Variants in AIG1 observed in about 807,000 individuals in gnomAD.
AIG1 encodes the protein androgen induced 1, also known as androgen-induced gene 1 protein.
A neutral mutation model predicts 31.4 loss-of-function variants in AIG1; 23 were observed. The observed-to-expected ratio is 0.73, with a 90% CI of 0.53 to 1.04. The LOEUF (loss-of-function observed/expected upper bound fraction) is 1.04, where lower values mean the gene tolerates loss of function less well. AIG1 is among the 50% of genes least tolerant of loss of function. The probability of loss-of-function intolerance (pLI) is 0.00; values close to 1 mark genes in which losing one functional copy is unlikely to be tolerated. For missense variants in AIG1, 274 were observed against 295.0 expected, an observed-to-expected ratio of 0.93 and a Z score of 0.52; for synonymous variants, 100 against 110.5, an observed-to-expected ratio of 0.90 and a Z score of 0.60.
At position 143,256,075 on chromosome 6, in the gene AIG1, T is replaced by C. The variant is rs1795358080; in HGVS notation, c.400-28035T>C. Among the ~76,000 whole-genome samples the C allele has an allele frequency of 6.6e-6, 1 of 152,168 alleles. No individual in the cohort carries two copies. Among genetic ancestry groups the C allele is most frequent in the Non-Finnish European group, 1.5e-5 (1 of 68,026 alleles). ...TGGCTTAGGTGCTTGAGCAAATATA[T>C]AAAACTTTATAAATCAAATTTCTGA... is the stretch of plus-strand genomic sequence containing the variant. On this transcript the variant is annotated intron_variant, in intron 3 of 5. Coordinates refer to ENST00000357847, the MANE Select transcript of AIG1 (RefSeq NM_016108.4). The surrounding 1 kb of genome is among the most constrained non-coding windows in gnomAD (Gnocchi z 4.6).
At chr6:143,204,178 C>T (rs917078140) in intron 3 of AIG1, among the ~76,000 whole-genome samples, 1 of 152,170 alleles carries the variant, frequency 6.6e-6, no homozygotes, top group Non-Finnish European at 1.5e-5. Context: ...ACAATAATCA[C>T]TTTGTTATAG....
At chr6:143,243,830 TG>T (rs1794428779) in intron 3 of AIG1, among the ~76,000 whole-genome samples, 1 of 152,202 alleles carries the variant, frequency 6.6e-6, no homozygotes, top group South Asian at 2.1e-4. Context: ...CACACCTCTA[TG>T]GGAAGACTGC....
chr6:143,222,545 A>T (rs979315105), intron 3 of AIG1, among the ~76,000 whole-genome samples: 2 of 152,204 alleles, frequency 1.3e-5, no homozygotes, highest in Non-Finnish European at 2.9e-5. Flanking sequence ...AGCAAATGAC[A>T]TTGACCTTCC....
chr6:143,231,919 G>A (rs1175169043), intron 3 of AIG1, among the ~76,000 whole-genome samples: 1 of 152,144 alleles, frequency 6.6e-6, no homozygotes, highest in African/African-American at 2.4e-5. Context: ...ATATGCCTCT[G>A]GCACAGATTC....
chr6:143,230,756 A>T (rs1793386002), intron 3 of AIG1, among the ~76,000 whole-genome samples: 1 of 152,166 alleles, frequency 6.6e-6, no homozygotes, highest in Non-Finnish European at 1.5e-5. Flanking sequence ...TAATAGCATA[A>T]GTTGTTCTTA....
At chr6:143,335,019 A>G in intron 5 of AIG1, 1 of 1,281,672 alleles carries the variant, frequency 7.8e-7, no homozygotes, top group East Asian at 2.8e-5. Flanking sequence ...GTAACATAAG[A>G]TTGACTAACT....
chr6:143,291,478 C>T lies in AIG1; in HGVS notation c.515+7253C>T, dbSNP rs544262771. On this transcript the variant is annotated intron_variant, in intron 4 of 5. Transcript: ENST00000357847. The surrounding 1 kb of genome is among the most constrained non-coding windows in gnomAD (Gnocchi z 4.2). ...CCTGCAAACCTCACACTTATGCACC[C>T]GACGCAGAGGTGAGCACCTGGACTT... is the stretch of plus-strand genomic sequence containing the variant. 1.1e-4 allele frequency among the ~76,000 whole-genome samples: 16 copies of T among 152,286 alleles called. No homozygotes were observed. The highest frequency in any genetic ancestry group is 2.1e-4 in the Non-Finnish European group (14 of 68,032).
chr6:143,284,088 C>T lies in AIG1; in HGVS notation c.400-22C>T. On this transcript the variant is annotated intron_variant, in intron 3 of 5. Coordinates refer to ENST00000357847, the MANE Select transcript of AIG1 (RefSeq NM_016108.4). This position sits in a 1 kb window ranked among gnomAD's most constrained non-coding sequence, Gnocchi z 4.4. ...GAGACAATGATAGCAATCTGTGTCACCTAGTCTCTGTTATTTTCCAGCACA... is the reference window on the plus strand; with the variant it reads ...GAGACAATGATAGCAATCTGTGTCATCTAGTCTCTGTTATTTTCCAGCACA... 6.4e-7 allele frequency: 1 copy of T among 1,559,504 alleles called. No individual in the cohort carries two copies. Among genetic ancestry groups the T allele is most frequent in the Non-Finnish European group, 8.8e-7 (1 of 1,131,410 alleles).
At chr6:143,074,206 T>C (rs1777539565) in intron 1 of AIG1, among the ~76,000 whole-genome samples, 1 of 152,272 alleles carries the variant, frequency 6.6e-6, no homozygotes, top group Non-Finnish European at 1.5e-5. Context: ...TTGATTTCAT[T>C]GTTTCCTTTG....
At chr6:143,187,541 G>T (rs1480696332) in intron 3 of AIG1, 18 of 1,535,860 alleles carry the variant, frequency 1.2e-5, no homozygotes, top group Admixed American at 5.9e-5. Context: ...CACTGGGTAG[G>T]CCTGTAATAT....
rs745977061 is a variant in AIG1 at position 143,288,257 on chromosome 6, A to G, written c.515+4032A>G. 6.6e-6 allele frequency among the ~76,000 whole-genome samples: 1 copy of G among 152,058 alleles called. No homozygotes were observed. The highest frequency in any genetic ancestry group is 1.5e-5 in the Non-Finnish European group (1 of 68,032). On this transcript the variant is annotated intron_variant, in intron 4 of 5. Transcript: ENST00000357847. This position sits in a 1 kb window ranked among gnomAD's most constrained non-coding sequence, Gnocchi z 4.4. ...CCAACTCAGACCCTAGGAAATGTAC[A>G]CCCTCAAAGCTTCAAGAATGGTCTC... is the stretch of plus-strand genomic sequence containing the variant.
chr6:143,113,929 C>T (rs1781516167), intron 1 of AIG1, among the ~76,000 whole-genome samples: 1 of 151,970 alleles, frequency 6.6e-6, no homozygotes, highest in Admixed American at 6.5e-5. Context: ...CACCCACCAC[C>T]ACGCCCGGCT....
At chr6:143,211,258 G>T (rs963416258) in intron 3 of AIG1, among the ~76,000 whole-genome samples, 1 of 152,124 alleles carries the variant, frequency 6.6e-6, no homozygotes, top group Non-Finnish European at 1.5e-5. Context: ...CCAGACACTG[G>T]TGGGCTCTGA....
chr6:143,224,178 C>G (rs193273150), intron 3 of AIG1, among the ~76,000 whole-genome samples: 4 of 152,178 alleles, frequency 2.6e-5, no homozygotes, highest in African/African-American at 9.7e-5. Context: ...TGATTTCGCT[C>G]CTGAGTTGTA....
At chr6:143,190,871 C>T (rs529292597) in intron 3 of AIG1, among the ~76,000 whole-genome samples, 1 of 152,316 alleles carries the variant, frequency 6.6e-6, no homozygotes, top group South Asian at 2.1e-4. Context: ...ATGCTTTCTT[C>T]TTTCCATGCC....
At chr6:143,117,777 T>C (rs1434772616) in intron 1 of AIG1, among the ~76,000 whole-genome samples, 1 of 152,160 alleles carries the variant, frequency 6.6e-6, no homozygotes, top group African/African-American at 2.4e-5. Context: ...AGCATTGTGG[T>C]AAACTATCAT....
At chr6:143,314,575 C>CA (rs1019825115) in intron 4 of AIG1, among the ~76,000 whole-genome samples, 2 of 151,846 alleles carry the variant, frequency 1.3e-5, no homozygotes, top group African/African-American at 4.8e-5. Context: ...ACAATAGCAC[C>CA]AAAAAATAAA....
At chr6:143,225,165 G>A (rs572424251) in intron 3 of AIG1, among the ~76,000 whole-genome samples, 5 of 152,100 alleles carry the variant, frequency 3.3e-5, no homozygotes, top group Admixed American at 2.6e-4. Flanking sequence ...CAAATCCACT[G>A]TCCTTTCTGC....
chr6:143,188,284 CAT>C (rs1789459842), intron 3 of AIG1: 1 of 985,920 alleles, frequency 1.0e-6, no homozygotes, highest in Non-Finnish European at 1.2e-6. Flanking sequence ...GCTGTTTAAA[CAT>C]GTTAATTGAT....
Sources: gnomAD v4.1 joint callset for allele counts (sites outside exome capture counted in the v4.1 genomes callset) on GRCh38, gnomAD v4.1.1 for gene constraint, Gnocchi (gnomAD v3.1) non-coding constraint, MANE v1.5 for transcripts, NCBI Gene and HGNC (gene_info 2026-07-23, HGNC 2026-07-21) for gene names.